Variants in RORA observed in about 807,000 individuals in gnomAD.
RORA encodes nuclear receptor ROR-alpha.
In RORA, 7 loss-of-function variants were observed where a neutral mutation model predicts 69.5. The ratio of observed to expected loss-of-function variants is 0.10; its 90% CI spans 0.06 to 0.19. The LOEUF is 0.19. Among genes scored for constraint, RORA ranks in the 10% least tolerant of loss-of-function variants. RORA has a pLI of 1.00. For missense variants in RORA, 457 were observed against 663.0 expected (o/e 0.69, Z 3.41); for synonymous variants, 261 against 240.8 (o/e 1.08, Z -0.78).
At chr15:60,876,210 C>T (rs1033358908) in intron 1 of RORA, among the ~76,000 whole-genome samples, 4 of 149,240 alleles carry the variant, frequency 2.7e-5, no homozygotes, top group Admixed American at 1.4e-4. Context: ...AGCTAGAGTA[C>T]AGAGAATTAA....
At chr15:61,055,762 G>A (rs982037469) in intron 1 of RORA, among the ~76,000 whole-genome samples, 8 of 152,180 alleles carry the variant, frequency 5.3e-5, no homozygotes, top group African/African-American at 1.7e-4. Flanking sequence ...GAATGGCATC[G>A]CTAATGTTTA....
intron 1 of RORA, chr15:61,038,699 C>T (rs1896586788): frequency 6.6e-6 from 1 of 152,224 alleles, no homozygotes; most frequent in African/African-American, 2.4e-5. Flanking sequence ...AATCAAAATA[C>T]ACTGTGGTAG....
chr15:60,985,582 CTTTTTTTTTT>C (rs11451387), intron 1 of RORA, among the ~76,000 whole-genome samples: 5 of 100,864 alleles, frequency 5.0e-5, no homozygotes, highest in African/African-American at 8.2e-5. Flanking sequence ...AACTCATCCT[CTTTTTTTTTT>C]TTTTTTTTTT....
intron 1 of RORA, among the ~76,000 whole-genome samples, chr15:60,826,306 T>C (rs1213692927): frequency 6.6e-6 from 1 of 152,228 alleles, no homozygotes; most frequent in African/African-American, 2.4e-5. Context: ...CAGAAATTAC[T>C]ACTGAGAGTA....
intron 1 of RORA, among the ~76,000 whole-genome samples, chr15:60,853,786 T>C (rs1673336): frequency 0.77 from 117,409 of 152,154 alleles, 46,857 homozygotes; most frequent in East Asian, 0.91. Context: ...TGGAGTCAGA[T>C]AGACCTGCAT....
At position 61,190,258 on chromosome 15, in the gene RORA, A is replaced by G. The variant is rs139025221; in HGVS notation, c.166+38795T>C. 5.2e-4 allele frequency among the ~76,000 whole-genome samples: 79 copies of G among 152,300 alleles called. 2 individuals carry two copies. In the East Asian group the frequency reaches 0.014, roughly 28 times the overall value. ...AAAATTAGGAAACACACACAAAAAT[A>G]AAACCTGACTTTACAAGGGGCATTT... On this transcript the variant is annotated intron_variant, in intron 1 of 10. Coordinates refer to ENST00000335670, the MANE Select transcript of RORA (RefSeq NM_134261.3).
intron 1 of RORA, among the ~76,000 whole-genome samples, chr15:61,016,467 A>G (rs1296132836): frequency 6.6e-6 from 1 of 152,204 alleles, no homozygotes; most frequent in Non-Finnish European, 1.5e-5. Context: ...CAACTTAGAG[A>G]AAGTTAAGCA....
chr15:61,132,333 T>C (rs1157570567), intron 1 of RORA, among the ~76,000 whole-genome samples: 1 of 152,156 alleles, frequency 6.6e-6, no homozygotes, highest in Non-Finnish European at 1.5e-5. Flanking sequence ...ATGACCTCCA[T>C]CAAGACAAAA....
intron 1 of RORA, among the ~76,000 whole-genome samples, chr15:60,904,240 T>C (rs1427110782): frequency 6.6e-6 from 1 of 152,244 alleles, no homozygotes; most frequent in South Asian, 2.1e-4. Flanking sequence ...CTTTATGATA[T>C]GAGCGTCCTG....
intron 1 of RORA, chr15:60,765,210 C>G (rs1209101287): frequency 6.6e-6 from 1 of 152,024 alleles, no homozygotes; most frequent in Non-Finnish European, 1.5e-5. Flanking sequence ...GACTTTGGCT[C>G]AAATCAACAG....
rs563642012 is a variant in RORA at position 61,199,929 on chromosome 15, G to A, written c.166+29124C>T. Among the ~76,000 whole-genome samples the A allele has an allele frequency of 2.0e-4, 30 of 152,336 alleles. No homozygotes were observed. The South Asian group carries it at 5.2e-3, about 26-fold the overall frequency. ...GGGATACACCTGGGTGAAGGGTGGAGGGTGAGAAAGGCCTGGGACAGGTGA... is the reference window on the plus strand; with the variant it reads ...GGGATACACCTGGGTGAAGGGTGGAAGGTGAGAAAGGCCTGGGACAGGTGA... On this transcript the variant is annotated intron_variant, in intron 1 of 10. Coordinates refer to ENST00000335670, the MANE Select transcript of RORA (RefSeq NM_134261.3).
At chr15:61,053,597 T>C (rs986401573) in intron 1 of RORA, among the ~76,000 whole-genome samples, 1 of 151,986 alleles carries the variant, frequency 6.6e-6, no homozygotes, top group African/African-American at 2.4e-5. Context: ...GATCTGGATC[T>C]GGTGTCCAGG....
At chr15:60,592,567 A>C (rs1470918602) in intron 2 of RORA, 1 of 1,233,400 alleles carries the variant, frequency 8.1e-7, no homozygotes, top group African/African-American at 1.6e-5. Context: ...AAGAGGCTCC[A>C]TGTGACCGGC....
intron 2 of RORA, among the ~76,000 whole-genome samples, chr15:60,568,744 A>G (rs1212678398): frequency 6.6e-6 from 1 of 152,176 alleles, no homozygotes; most frequent in African/African-American, 2.4e-5. Flanking sequence ...TGTAATATAC[A>G]TTTATCTTGA....
intron 1 of RORA, among the ~76,000 whole-genome samples, chr15:60,977,277 A>G (rs1162077617): frequency 6.6e-6 from 1 of 152,174 alleles, no homozygotes; most frequent in African/African-American, 2.4e-5. Flanking sequence ...ATAAGATTAG[A>G]CAAGCAAGAA....
Position 61,048,677 on chromosome 15 carries a change from G to C in RORA, c.166+180376C>G, listed in dbSNP as rs16943565. Among the ~76,000 whole-genome samples the C allele has an allele frequency of 5.7e-3, 864 of 152,260 alleles. 12 individuals are homozygous for C. The highest frequency in any genetic ancestry group is 0.02 in the African/African-American group (834 of 41,534). ...ATAAGCTCAGGACTCAGGACACTTT[G>C]ACGTCGAGTCCAACAGGACCCATAG... On this transcript the variant is annotated intron_variant, in intron 1 of 10. Coordinates refer to ENST00000335670, the MANE Select transcript of RORA (RefSeq NM_134261.3).
chr15:60,977,109 TG>T (rs1300182489), intron 1 of RORA, among the ~76,000 whole-genome samples: 1 of 93,700 alleles, frequency 1.1e-5, no homozygotes, highest in African/African-American at 5.4e-5. Context: ...CAAAACTGAT[TG>T]GAGGGAAAAA....
intron 1 of RORA, among the ~76,000 whole-genome samples, chr15:60,920,992 C>T (rs1451827767): frequency 1.3e-5 from 2 of 152,172 alleles, no homozygotes; most frequent in Non-Finnish European, 2.9e-5. Flanking sequence ...AATATCAAGG[C>T]CTAAATTGCA....
chr15:60,985,774 G>A (rs1199018055), intron 1 of RORA, among the ~76,000 whole-genome samples: 3 of 151,754 alleles, frequency 2.0e-5, no homozygotes, highest in African/African-American at 4.8e-5. Context: ...TAGTAGAAAC[G>A]GGGTTTCACC....
Sources: allele counts gnomAD v4.1 joint callset (sites outside exome capture counted in the v4.1 genomes callset), GRCh38; gene constraint gnomAD v4.1.1; transcripts MANE v1.5; gene names NCBI Gene and HGNC (gene_info 2026-07-23, HGNC 2026-07-21).